GNL1: variants seen among roughly 807,000 people sequenced by gnomAD.
The protein encoded by GNL1 is guanine nucleotide-binding protein-like 1.
In GNL1, 21 loss-of-function variants were observed where a neutral mutation model predicts 75.2. The observed-to-expected ratio is 0.28, with a 90% CI of 0.20 to 0.40. The LOEUF (loss-of-function observed/expected upper bound fraction) is 0.40, where lower values mean the gene tolerates loss of function less well. Among genes scored for constraint, GNL1 ranks in the 10% least tolerant of loss-of-function variants. The pLI, the probability that GNL1 is intolerant of heterozygous loss-of-function variation, is 1.00. For synonymous variants in GNL1, 287 were observed against 303.4 expected, an observed-to-expected ratio of 0.95 and a Z score of 0.56; for missense variants, 579 against 775.0, an observed-to-expected ratio of 0.75 and a Z score of 3.00.
Position 30,555,807 on chromosome 6 carries a change from C to A in GNL1, c.74-87G>T. On this transcript the variant is annotated intron_variant, in intron 1 of 11. Coordinates refer to ENST00000376621, the MANE Select transcript of GNL1 (RefSeq NM_005275.5). This position sits in a 1 kb window ranked among gnomAD's most constrained non-coding sequence, Gnocchi z 4.3. ...CCCCATCGGCCTGACTCCCTTTCAT[C>A]CCACTCAACTTCTTCCGATGTTCAG... 1 of 1,365,728 alleles carries A rather than the reference C, an allele frequency of 7.3e-7. No individual in the cohort carries two copies. Among genetic ancestry groups the A allele is most frequent in the Non-Finnish European group, 1.0e-6 (1 of 979,762 alleles). The allele number at this position is 1,365,728 out of a possible 1,614,324, so 84.6% of individuals were successfully genotyped here. A position where few individuals can be genotyped will look rare whatever the true frequency, so the allele number is the denominator to read the frequency against.
Position 30,555,809 on chromosome 6 carries a change from C to A in GNL1, c.74-89G>T. On this transcript the variant is annotated intron_variant, in intron 1 of 11. Transcript: ENST00000376621. This position sits in a 1 kb window ranked among gnomAD's most constrained non-coding sequence, Gnocchi z 4.3. ...CCATCGGCCTGACTCCCTTTCATCC[C>A]ACTCAACTTCTTCCGATGTTCAGTC... The A allele has an allele frequency of 7.4e-7, 1 of 1,346,370 alleles. No homozygotes were observed. The highest frequency in any genetic ancestry group is 1.0e-6 in the Non-Finnish European group (1 of 964,706). 83.4% of individuals were successfully genotyped at this position (1,346,370 alleles called of 1,614,324 possible).
chr6:30,546,979 G>T lies in GNL1; in HGVS notation c.1441+133C>A. ...CTGGCTATGCAACAAAAATCTAGGG[G>T]TGAGTGGACAGCAGCTTCATCAATG... On this transcript the variant is annotated intron_variant, in intron 10 of 11. Transcript: ENST00000376621. The surrounding 1 kb of genome is among the most constrained non-coding windows in gnomAD (Gnocchi z 5.1). 2 of 1,109,352 alleles carry T rather than the reference G, an allele frequency of 1.8e-6. No homozygotes were observed. Among genetic ancestry groups the T allele is most frequent in the South Asian group, 1.3e-5 (1 of 75,706 alleles). 68.7% of individuals were successfully genotyped at this position (1,109,352 alleles called of 1,614,324 possible).
rs917077067 is a variant in GNL1, at chr6:30,552,843, G to A, written c.905-182C>T. Among the ~76,000 whole-genome samples, 2 of 152,122 alleles carry A rather than the reference G, an allele frequency of 1.3e-5. No individual in the cohort carries two copies. The highest frequency in any genetic ancestry group is 2.9e-5 in the Non-Finnish European group (2 of 68,032). On this transcript the variant is annotated intron_variant, in intron 7 of 11. Coordinates refer to ENST00000376621, the MANE Select transcript of GNL1 (RefSeq NM_005275.5). This position sits in a 1 kb window ranked among gnomAD's most constrained non-coding sequence, Gnocchi z 4.5. ...TTGACCCTACCCTCCCTGGAATCAC[G>A]CACGTTTCTCTGAGCTTCTGAAAAG... is the stretch of plus-strand genomic sequence containing the variant.
chr6:30,554,494 T>C (rs1487246786), intron 5 of GNL1, 81 bp downstream of exon 5: 4 of 819,128 alleles, frequency 4.9e-6, no homozygotes, highest in Non-Finnish European at 8.7e-6. Flanking sequence ...TACCTCTCTG[T>C]CTCCCAACTC....
In GNL1 at chr6:30,552,582, C is replaced by T. The variant is rs145669779; in HGVS notation, c.984G>A (p.Glu328=). Residue 328 remains glutamate (E), a synonymous_variant, in exon 8 of 12, where the codon GAG becomes GAA. Transcript: ENST00000376621. This position sits in a 1 kb window ranked among gnomAD's most constrained non-coding sequence, Gnocchi z 4.5. ...ATWGNGSGEE[E]EEEDGPAVLV... is the part of the protein sequence containing the mutation. ...GGACTGCTGGGCCATCCTCCTCTTCCTCCTCCTCCCCAGAGCCATTACCCC... is the reference window on the plus strand; with the variant it reads ...GGACTGCTGGGCCATCCTCCTCTTCTTCCTCCTCCCCAGAGCCATTACCCC... 32 of 1,613,734 alleles carry T rather than the reference C, an allele frequency of 2.0e-5. No individual in the cohort carries two copies. The highest frequency in any genetic ancestry group is 2.5e-5 in the Non-Finnish European group (29 of 1,179,772).
chr6:30,548,590 TG>T lies in GNL1; in HGVS notation c.1100-1061del, dbSNP rs1199057209. On this transcript the variant is annotated intron_variant, in intron 8 of 11. Transcript: ENST00000376621. The surrounding 1 kb of genome is among the most constrained non-coding windows in gnomAD (Gnocchi z 4.2). ...CCTCAGCCAGGCCCGTTCACAGACCTGGAACTCCCTGGTCCCACTTCTCCCC... is the reference window on the plus strand; with the variant it reads ...CCTCAGCCAGGCCCGTTCACAGACCTGAACTCCCTGGTCCCACTTCTCCCC... Among the ~76,000 whole-genome samples, 1 of 152,172 alleles carries T rather than the reference TG, an allele frequency of 6.6e-6. No individual in the cohort carries two copies. Among genetic ancestry groups the T allele is most frequent in the African/African-American group, 2.4e-5 (1 of 41,436 alleles).
chr6:30,551,924 ACAAT>A (rs1169304063), intron 8 of GNL1, among the ~76,000 whole-genome samples: 1 of 152,030 alleles, frequency 6.6e-6, no homozygotes, highest in Non-Finnish European at 1.5e-5. Flanking sequence ...GTGCAGTGGC[ACAAT>A]CATAGCTCAC....
intron 8 of GNL1, among the ~76,000 whole-genome samples, chr6:30,550,958 C>A (rs1006093446): frequency 3.3e-5 from 5 of 152,176 alleles, no homozygotes; most frequent in Non-Finnish European, 7.3e-5. Flanking sequence ...ACTCTCTATC[C>A]CCTTTCATTG....
chr6:30,552,461 C>G lies in GNL1; in HGVS notation c.1099+6G>C. The G allele has an allele frequency of 6.2e-7, 1 of 1,609,712 alleles. No homozygotes were observed. Among genetic ancestry groups the G allele is most frequent in the Non-Finnish European group, 8.5e-7 (1 of 1,176,974 alleles). The stretch of plus-strand genomic sequence containing the variant: ...GGCCACCACGCACAAGCTGCCACTT[C>G]CTTACCCACACAGCCGATGGTCACC... On this transcript the variant is annotated splice_donor_region_variant and intron_variant, in intron 8 of 11. Coordinates refer to ENST00000376621, the MANE Select transcript of GNL1 (RefSeq NM_005275.5). The surrounding 1 kb of genome is among the most constrained non-coding windows in gnomAD (Gnocchi z 4.5).
At position 30,552,075 on chromosome 6, in the gene GNL1, A is replaced by G. The variant is rs1185039103; in HGVS notation, c.1099+392T>C. On this transcript the variant is annotated intron_variant, in intron 8 of 11. Transcript: ENST00000376621. The surrounding 1 kb of genome is among the most constrained non-coding windows in gnomAD (Gnocchi z 4.5). ...GATGGGGTTTCACTATGTTGCCCAG[A>G]CTAGTCTTGAGCTCCTGGTCTCAAG... is the stretch of plus-strand genomic sequence containing the variant. The G allele has an allele frequency of 5.0e-6, 1 of 199,408 alleles. No homozygotes were observed. The highest frequency in any genetic ancestry group is 1.0e-5 in the Non-Finnish European group (1 of 99,036). The allele number at this position is 199,408 out of a possible 1,614,324, so 12.4% of individuals were successfully genotyped here.
In GNL1 at chr6:30,547,544, G is replaced by C; in HGVS notation, c.1100-14C>G. The C allele has an allele frequency of 6.2e-7, 1 of 1,611,972 alleles. No individual in the cohort carries two copies. Among genetic ancestry groups the C allele is most frequent in the Non-Finnish European group, 8.5e-7 (1 of 1,178,614 alleles). On this transcript the variant is annotated splice_polypyrimidine_tract_variant and intron_variant, in intron 8 of 11. Coordinates refer to ENST00000376621, the MANE Select transcript of GNL1 (RefSeq NM_005275.5). This position sits in a 1 kb window ranked among gnomAD's most constrained non-coding sequence, Gnocchi z 5.5. Reference sequence around the variant, plus strand: ...CATTAGGGAAACCTGAGGAAGGCAAGGAAAATTAACGTTTAACAGGTTTCT... The same window carrying C: ...CATTAGGGAAACCTGAGGAAGGCAACGAAAATTAACGTTTAACAGGTTTCT...
At position 30,544,178 on chromosome 6, in the gene GNL1, T is replaced by A. The variant is rs1314485584; in HGVS notation, c.*1894A>T. On this transcript the variant is annotated 3_prime_UTR_variant, in exon 12 of 12. Transcript: ENST00000376621. ...GAAGAGGTTTTACAGTCTAACCCTGTGGGGGTGTCAGGAGTTGCCTCCTGC... is the reference window on the plus strand; with the variant it reads ...GAAGAGGTTTTACAGTCTAACCCTGAGGGGGTGTCAGGAGTTGCCTCCTGC... The A allele has an allele frequency of 6.6e-6, 1 of 152,170 alleles. No homozygotes were observed. The highest frequency in any genetic ancestry group is 2.4e-5 in the African/African-American group (1 of 41,418). 9.4% of individuals were successfully genotyped at this position (152,170 alleles called of 1,614,324 possible).
chr6:30,550,802 T>A (rs957255757), intron 8 of GNL1, among the ~76,000 whole-genome samples: 1 of 151,966 alleles, frequency 6.6e-6, no homozygotes, highest in African/African-American at 2.4e-5. Context: ...CATACTCCAA[T>A]CCCCTGGGCA....
chr6:30,544,809 A>G lies in GNL1; in HGVS notation c.*1263T>C, dbSNP rs1222513842. On this transcript the variant is annotated 3_prime_UTR_variant, in exon 12 of 12. Coordinates refer to ENST00000376621, the MANE Select transcript of GNL1 (RefSeq NM_005275.5). ...AACTGCCCAGTGACTCAGATCCTGA[A>G]AGGATCTGCTTTAGAGAAAAAAGGA... 1.3e-5 allele frequency: 2 copies of G among 152,158 alleles called. No individual in the cohort carries two copies. Among genetic ancestry groups the G allele is most frequent in the Non-Finnish European group, 2.9e-5 (2 of 68,024 alleles). The allele number at this position is 152,158 out of a possible 1,614,324, so 9.4% of individuals were successfully genotyped here. A position where few individuals can be genotyped will look rare whatever the true frequency, so the allele number is the denominator to read the frequency against.
rs1193715275 is a variant in GNL1, at chr6:30,544,300, G to C, written c.*1772C>G. The C allele has an allele frequency of 1.3e-5, 2 of 152,016 alleles. No homozygotes were observed. Among genetic ancestry groups the C allele is most frequent in the Non-Finnish European group, 2.9e-5 (2 of 68,018 alleles). The allele number at this position is 152,016 out of a possible 1,614,324, so 9.4% of individuals were successfully genotyped here. ...CAAATACCCCTGATGAAACCCCTGA[G>C]GTGGAAAAAGATAAAGACAAGCAAA... is the stretch of plus-strand genomic sequence containing the variant. On this transcript the variant is annotated 3_prime_UTR_variant, in exon 12 of 12. Coordinates refer to ENST00000376621, the MANE Select transcript of GNL1 (RefSeq NM_005275.5).
Position 30,554,664 on chromosome 6 carries a change from G to C in GNL1, c.529-18C>G. 6.2e-7 allele frequency: 1 copy of C among 1,603,278 alleles called. No homozygotes were observed. The highest frequency in any genetic ancestry group is 8.5e-7 in the Non-Finnish European group (1 of 1,171,068). On this transcript the variant is annotated intron_variant, in intron 4 of 11. Coordinates refer to ENST00000376621, the MANE Select transcript of GNL1 (RefSeq NM_005275.5). The stretch of plus-strand genomic sequence containing the variant: ...CTCCATGTCTAAAAAGACAGGATCA[G>C]GAAGAGAAACTGAAAACAGAGTCCC...
In GNL1 at chr6:30,556,226, C is replaced by A. The variant is rs781143418; in HGVS notation, c.-23G>T. The stretch of plus-strand genomic sequence containing the variant: ...CATGGCCCGGACCAGTCACCTGGCC[C>A]GCCCTCCGCCGAGCTCCCGCCGCCT... On this transcript the variant is annotated 5_prime_UTR_variant, in exon 1 of 12. Coordinates refer to ENST00000376621, the MANE Select transcript of GNL1 (RefSeq NM_005275.5). The surrounding 1 kb of genome is among the most constrained non-coding windows in gnomAD (Gnocchi z 5.7). 1 of 1,600,456 alleles carries A rather than the reference C, an allele frequency of 6.2e-7. No individual in the cohort carries two copies. The highest frequency in any genetic ancestry group is 8.5e-7 in the Non-Finnish European group (1 of 1,179,542).
At chr6:30,553,586 C>G in intron 5 of GNL1, 29 bp from the exon 6 acceptor site, 1 of 1,522,844 alleles carries the variant, frequency 6.6e-7, no homozygotes, top group Non-Finnish European at 9.1e-7. Flanking sequence ...GAGGATGGAG[C>G]AGTGAAAGTC....
intron 7 of GNL1, 82 bp downstream of exon 7, chr6:30,553,002 C>A: frequency 1.0e-6 from 1 of 986,344 alleles, no homozygotes; most frequent in Admixed American, 2.0e-5. Context: ...GAGGGGTTGG[C>A]TTCAGGAAAG....
Sources: gnomAD v4.1 joint callset for allele counts (sites outside exome capture counted in the v4.1 genomes callset) on GRCh38, gnomAD v4.1.1 for gene constraint, Gnocchi (gnomAD v3.1) non-coding constraint, MANE v1.5 for transcripts, NCBI Gene and HGNC (gene_info 2026-07-23, HGNC 2026-07-21) for gene names.